The following NUP62CL variants were observed in gnomAD, a reference collection of about 807,000 sequenced individuals.
NUP62CL encodes nucleoporin 62 C-terminal like.
Under a neutral mutation model 15.3 loss-of-function variants are expected in NUP62CL, and 13 were observed. That is an observed-to-expected ratio of 0.85 (90% CI 0.55 to 1.35). The LOEUF is 1.35. Among genes scored for constraint, NUP62CL ranks in the 40% most tolerant of loss-of-function variants. NUP62CL has a pLI of 0.00. For missense variants in NUP62CL, 123 were observed against 130.6 expected (o/e 0.94, Z 0.28); for synonymous variants, 54 against 49.2 (o/e 1.10, Z -0.41).
At chrX:107,193,580 G>C (rs1291647536) in intron 1 of NUP62CL, among the ~76,000 whole-genome samples, 1 of 111,331 alleles carries the variant, frequency 9.0e-6, no homozygotes, top group African/African-American at 3.3e-5. Context: ...TTCAAGATAA[G>C]ATGTTATCAT....
intron 7 of NUP62CL, among the ~76,000 whole-genome samples, chrX:107,152,474 C>T (rs942092550): frequency 9.1e-6 from 1 of 110,469 alleles, no homozygotes; most frequent in Non-Finnish European, 1.9e-5. Flanking sequence ...CCAGTCTTAA[C>T]TCATAATAAG....
chrX:107,155,917 G>T (rs1344615155), intron 4 of NUP62CL, among the ~76,000 whole-genome samples: 1 of 112,065 alleles, frequency 8.9e-6, no homozygotes, highest in African/African-American at 3.2e-5. Context: ...AGGCCAGTGG[G>T]TGCGCGCACC....
At chrX:107,168,589 G>A (rs1926570447) in intron 3 of NUP62CL, among the ~76,000 whole-genome samples, 1 of 112,021 alleles carries the variant, frequency 8.9e-6, no homozygotes, top group South Asian at 3.7e-4. Flanking sequence ...AGCACTTTTG[G>A]TTCTTACTAC....
At chrX:107,160,924 C>A (rs1222337971) in intron 4 of NUP62CL, among the ~76,000 whole-genome samples, 5 of 108,559 alleles carry the variant, frequency 4.6e-5, no homozygotes, top group African/African-American at 1.7e-4. Context: ...TGAACTCAAA[C>A]AAATTTACAA....
chrX:107,201,942 A>G (rs1482655277), intron 1 of NUP62CL, among the ~76,000 whole-genome samples: 1 of 111,296 alleles, frequency 9.0e-6, no homozygotes, highest in Non-Finnish European at 1.9e-5. Flanking sequence ...TATCTCAAAA[A>G]AGAAAAAAAA....
At chrX:107,204,468 C>G (rs917702542) in intron 1 of NUP62CL, among the ~76,000 whole-genome samples, 30 of 110,996 alleles carry the variant, frequency 2.7e-4, no homozygotes, top group African/African-American at 8.8e-4. Context: ...TAGTATTGGA[C>G]GCCACCTTGC....
intron 2 of NUP62CL, among the ~76,000 whole-genome samples, chrX:107,177,362 A>T (rs187009157): frequency 1.3e-4 from 15 of 111,774 alleles, no homozygotes; most frequent in African/African-American, 4.5e-4. Flanking sequence ...ATGGTGTGAT[A>T]GACAGAAAAC....
rs1044044900 is a variant in NUP62CL at position 107,124,006 on chromosome X, T to C, written c.*369A>G. On this transcript the variant is annotated 3_prime_UTR_variant, in exon 9 of 9. Coordinates refer to ENST00000372466, the MANE Select transcript of NUP62CL (RefSeq NM_017681.3). ...GAGAGTAAGACATAAATTACACATATAGAGTCAGCATCTAAGAGGTTGCTG... is the reference window on the plus strand; with the variant it reads ...GAGAGTAAGACATAAATTACACATACAGAGTCAGCATCTAAGAGGTTGCTG... 9.1e-6 allele frequency: 2 copies of C among 220,011 alleles called. No homozygotes were observed. Among genetic ancestry groups the C allele is most frequent in the Non-Finnish European group, 1.6e-5 (2 of 122,424 alleles). 18.1% of individuals were successfully genotyped at this position (220,011 alleles called of 1,213,427 possible).
intron 8 of NUP62CL, among the ~76,000 whole-genome samples, chrX:107,146,465 T>G (rs1324886283): frequency 1.8e-5 from 2 of 111,980 alleles, no homozygotes; most frequent in Non-Finnish European, 3.8e-5. Flanking sequence ...GCTAGCATAT[T>G]TTTCTGCCAA....
intron 8 of NUP62CL, among the ~76,000 whole-genome samples, chrX:107,142,683 C>A (rs1344810297): frequency 9.0e-6 from 1 of 111,594 alleles, no homozygotes; most frequent in Non-Finnish European, 1.9e-5. Flanking sequence ...TATCCCTCAC[C>A]CCATGTTGCC....
intron 2 of NUP62CL, among the ~76,000 whole-genome samples, chrX:107,178,302 A>AT (rs1926833835): frequency 8.9e-6 from 1 of 111,779 alleles, no homozygotes; most frequent in Non-Finnish European, 1.9e-5. Context: ...TGAACTGTAC[A>AT]TTTTAAATGG....
rs139768394 is a variant in NUP62CL, at chrX:107,144,694, T to C, written c.*42+3049A>G. ...AATCTCATTCCTGAGTGTTTTCTAGTTACTGACACTCTCACATCTCAGCAG... is the reference window on the plus strand; with the variant it reads ...AATCTCATTCCTGAGTGTTTTCTAGCTACTGACACTCTCACATCTCAGCAG... On this transcript the variant is annotated intron_variant, in intron 8 of 8. Transcript: ENST00000372466. Among the ~76,000 whole-genome samples, 770 of 111,745 alleles carry C rather than the reference T, an allele frequency of 6.9e-3. 7 individuals are homozygous for C. The highest frequency in any genetic ancestry group is 0.024 in the African/African-American group (736 of 30,815).
intron 8 of NUP62CL, among the ~76,000 whole-genome samples, chrX:107,129,340 C>T (rs1925458055): frequency 8.9e-6 from 1 of 111,807 alleles, no homozygotes. Flanking sequence ...ATTCTCCCTA[C>T]CCAACTCCTG....
chrX:107,186,172 A>G (rs1045841388), intron 2 of NUP62CL, among the ~76,000 whole-genome samples: 1 of 111,959 alleles, frequency 8.9e-6, no homozygotes, highest in Non-Finnish European at 1.9e-5. Context: ...TCAGAAAATC[A>G]GCAAGGATAC....
chrX:107,189,613 A>AAATAATAATAATAATAATAAT lies in NUP62CL; in HGVS notation c.-48+3395_-48+3415dup, dbSNP rs112376938. ...CAACATGGTGAAACCCCGTCCCTAC[A>AAATAATAATAATAATAATAAT]AATAATAATAATAATAATAATAAAT... On this transcript the variant is annotated intron_variant, in intron 2 of 8. Transcript: ENST00000372466. Among the ~76,000 whole-genome samples, 26 of 99,876 alleles carry AAATAATAATAATAATAATAAT rather than the reference A, an allele frequency of 2.6e-4. No homozygotes were observed. The East Asian group carries it at 6.4e-3, about 25-fold the overall frequency. The allele number at this position is 99,876 out of a possible 115,157, so 86.7% of individuals were successfully genotyped here. A position where few individuals can be genotyped will look rare whatever the true frequency, so the allele number is the denominator to read the frequency against.
At chrX:107,197,930 A>ATAT (rs1225789057) in intron 1 of NUP62CL, among the ~76,000 whole-genome samples, 1 of 112,432 alleles carries the variant, frequency 8.9e-6, no homozygotes, top group African/African-American at 3.2e-5. Flanking sequence ...CTCTTCACAT[A>ATAT]TATTACCTTG....
chrX:107,136,726 C>G (rs1186669972), intron 8 of NUP62CL, among the ~76,000 whole-genome samples: 2 of 112,257 alleles, frequency 1.8e-5, no homozygotes, highest in Non-Finnish European at 3.8e-5. Context: ...AAACCCTGAC[C>G]AAGTAGAATT....
At chrX:107,183,638 G>A (rs763844048) in intron 2 of NUP62CL, among the ~76,000 whole-genome samples, 3 of 110,514 alleles carry the variant, frequency 2.7e-5, no homozygotes, top group Non-Finnish European at 5.7e-5. Flanking sequence ...ATGCCAATGG[G>A]TATAAATTTT....
intron 4 of NUP62CL, among the ~76,000 whole-genome samples, chrX:107,157,638 T>C (rs1362185034): frequency 9.3e-5 from 10 of 107,382 alleles, no homozygotes; most frequent in African/African-American, 3.4e-4. Context: ...GCGCTAAACA[T>C]GGAAAGGAAC....
Sources: gnomAD v4.1 joint callset for allele counts (sites outside exome capture counted in the v4.1 genomes callset) on GRCh38, gnomAD v4.1.1 for gene constraint, MANE v1.5 for transcripts, NCBI Gene and HGNC (gene_info 2026-07-23, HGNC 2026-07-21) for gene names.